Variants in VPS39 observed in about 807,000 individuals in gnomAD.
VPS39 encodes the protein VPS39 subunit of HOPS complex.
Under a neutral mutation model 121.0 loss-of-function variants are expected in VPS39, and 70 were observed. That is an observed-to-expected ratio of 0.58 (90% confidence interval 0.48 to 0.71). The LOEUF is 0.71. Ranked by LOEUF, VPS39 falls within the 30% of genes least tolerant of loss-of-function variation. The pLI is 0.00. For synonymous variants in VPS39, 378 were observed against 398.1 expected (o/e 0.95, Z 0.60); for missense variants, 818 against 1,051.5 (o/e 0.78, Z 3.07).
At chr15:42,194,348 C>T (rs934274832) in intron 2 of VPS39, among the ~76,000 whole-genome samples, 1 of 151,978 alleles carries the variant, frequency 6.6e-6, no homozygotes, top group Non-Finnish European at 1.5e-5. Context: ...GTGGTGGGCG[C>T]CTGTAATCCC....
intron 2 of VPS39, among the ~76,000 whole-genome samples, chr15:42,199,127 A>G (rs1447424959): frequency 6.6e-6 from 1 of 152,214 alleles, no homozygotes; most frequent in East Asian, 1.9e-4. Flanking sequence ...AATTAACTGC[A>G]GATTTCTGTA....
chr15:42,166,666 A>G lies in VPS39; in HGVS notation c.1520-17T>C. The stretch of plus-strand genomic sequence containing the variant: ...CCTGCAGAGCTGGCCACCAAGCCCA[A>G]GAACAAGGTCATGAGCCTTTTCCCC... On this transcript the variant is annotated splice_polypyrimidine_tract_variant and intron_variant, in intron 14 of 24. Transcript: ENST00000318006. 6.2e-7 allele frequency: 1 copy of G among 1,614,176 alleles called. No individual in the cohort carries two copies. The highest frequency in any genetic ancestry group is 8.5e-7 in the Non-Finnish European group (1 of 1,180,036).
chr15:42,163,901 A>C (rs2049190470), intron 19 of VPS39, among the ~76,000 whole-genome samples, 173 bp from the exon 20 acceptor site: 1 of 151,918 alleles, frequency 6.6e-6, no homozygotes. Context: ...AGGGGGAGGG[A>C]GCTATTTTAG....
At chr15:42,175,103 T>C (rs2049422781) in intron 10 of VPS39, among the ~76,000 whole-genome samples, 1 of 151,934 alleles carries the variant, frequency 6.6e-6, no homozygotes, top group Admixed American at 6.6e-5. Context: ...GAGAGCACAG[T>C]GTACTCAAGG....
Position 42,172,554 on chromosome 15 carries a change from C to A in VPS39, c.1090+1169G>T, listed in dbSNP as rs186928512. 1.4e-3 allele frequency among the ~76,000 whole-genome samples: 209 copies of A among 152,334 alleles called. 2 individuals carry two copies. The highest frequency in any genetic ancestry group is 2.2e-3 in the Non-Finnish European group (148 of 68,030). On this transcript the variant is annotated intron_variant, in intron 11 of 24. Coordinates refer to ENST00000318006, the MANE Select transcript of VPS39 (RefSeq NM_015289.5). Reference sequence around the variant, plus strand: ...AGTTTTGGGGAGATTTCTTACGTAGCATTAGACAGCTAATACACTAGCAGA... The same window carrying A: ...AGTTTTGGGGAGATTTCTTACGTAGAATTAGACAGCTAATACACTAGCAGA...
At chr15:42,162,798 C>T (rs947124343) in intron 21 of VPS39, 4 of 246,250 alleles carry the variant, frequency 1.6e-5, no homozygotes, top group Non-Finnish European at 2.3e-5. Flanking sequence ...GCTGAGACTC[C>T]GTCACATTTT....
chr15:42,172,759 C>G (rs1411442112), intron 11 of VPS39, among the ~76,000 whole-genome samples: 1 of 152,186 alleles, frequency 6.6e-6, no homozygotes, highest in Non-Finnish European at 1.5e-5. Flanking sequence ...CATCTATTCC[C>G]CAGCCTAATC....
Position 42,162,557 on chromosome 15 carries a change from G to A in VPS39, c.2176-76C>T, listed in dbSNP as rs181661987. The A allele has an allele frequency of 8.6e-4, 1,269 of 1,467,194 alleles. 1 individual carries two copies. Among genetic ancestry groups the A allele is most frequent in the Non-Finnish European group, 1.0e-3 (1,156 of 1,103,120 alleles). 90.9% of individuals were successfully genotyped at this position (1,467,194 alleles called of 1,614,324 possible). A position where few individuals can be genotyped will look rare whatever the true frequency, so the allele number is the denominator to read the frequency against. On this transcript the variant is annotated intron_variant, in intron 21 of 24. Coordinates refer to ENST00000318006, the MANE Select transcript of VPS39 (RefSeq NM_015289.5). ...ACCCCCAGCACTGAGCATGCCTAACGATTCGAGGGGCTCGCCTACAGTAAC... is the reference window on the plus strand; with the variant it reads ...ACCCCCAGCACTGAGCATGCCTAACAATTCGAGGGGCTCGCCTACAGTAAC...
rs986297980 is a variant in VPS39 at position 42,160,772 on chromosome 15, T to G, written c.2610A>C (p.Val870=). 2.0e-5 allele frequency: 32 copies of G among 1,614,222 alleles called. No homozygotes were observed. The highest frequency in any genetic ancestry group is 2.6e-5 in the Non-Finnish European group (31 of 1,180,028). ...VVVHYFCSKE[V]NPADT ...GCTGGGCTCAAGTGTCAGCTGGGTT[T>G]ACCTCTTTGGAACAGAAGTAATGGA... The change falls in exon 25 of 25, where the codon GTA becomes GTC. Residue 870 remains valine (V), a synonymous_variant. Transcript: ENST00000318006.
At chr15:42,199,353 T>A (rs1397853891) in intron 2 of VPS39, among the ~76,000 whole-genome samples, 1 of 152,152 alleles carries the variant, frequency 6.6e-6, no homozygotes, top group Non-Finnish European at 1.5e-5. Flanking sequence ...TATTATTGCA[T>A]CCACCCCAAC....
chr15:42,166,296 A>G, intron 15 of VPS39, 64 bp from the exon 16 acceptor site: 1 of 1,508,248 alleles, frequency 6.6e-7, no homozygotes, highest in Middle Eastern at 2.0e-4. Context: ...CTGGGAAGGC[A>G]GGTGGGCAGG....
At position 42,187,859 on chromosome 15, in the gene VPS39, GGGA is replaced by G; in HGVS notation, c.343-6_343-4del. 22 of 1,613,582 alleles carry G rather than the reference GGGA, an allele frequency of 1.4e-5. No homozygotes were observed. Among genetic ancestry groups the G allele is most frequent in the Non-Finnish European group, 1.9e-5 (22 of 1,179,524 alleles). On this transcript the variant is annotated splice_region_variant and splice_polypyrimidine_tract_variant and intron_variant, in intron 5 of 24. Transcript: ENST00000318006. ...ACCTCCTCACCGGTCTCTGTGTGCT[GGGA>G]GGAGACATGCAGAGCAAATGAAAAT...
chr15:42,201,813 T>C (rs2140891927), intron 1 of VPS39, among the ~76,000 whole-genome samples: 1 of 152,378 alleles, frequency 6.6e-6, no homozygotes, highest in Non-Finnish European at 1.5e-5. Context: ...TAAAGGTCAC[T>C]CATTCCTTTC....
chr15:42,201,776 A>G (rs2140891884), intron 1 of VPS39, among the ~76,000 whole-genome samples: 1 of 152,354 alleles, frequency 6.6e-6, no homozygotes, highest in Non-Finnish European at 1.5e-5. Context: ...AAGCATGTAC[A>G]GATACTTCCT....
rs775527464 is a variant in VPS39, at chr15:42,161,602, CA to C, written c.2552+79del. Reference sequence around the variant, plus strand: ...CATGTTCTCCTTCTCTGTTAAAGGGCAGAAATCCATCCTGAGCGTTCTCCAC... The same window carrying C: ...CATGTTCTCCTTCTCTGTTAAAGGGCGAAATCCATCCTGAGCGTTCTCCAC... On this transcript the variant is annotated intron_variant, in intron 24 of 24. Coordinates refer to ENST00000318006, the MANE Select transcript of VPS39 (RefSeq NM_015289.5). 2.8e-5 allele frequency: 39 copies of C among 1,414,332 alleles called. 1 individual carries two copies. In the South Asian group the frequency reaches 3.1e-4, roughly 11 times the overall value. The allele number at this position is 1,414,332 out of a possible 1,614,324, so 87.6% of individuals were successfully genotyped here. A position where few individuals can be genotyped will look rare whatever the true frequency, so the allele number is the denominator to read the frequency against.
chr15:42,198,009 A>C (rs2049980314), intron 2 of VPS39, among the ~76,000 whole-genome samples: 1 of 152,208 alleles, frequency 6.6e-6, no homozygotes, highest in Non-Finnish European at 1.5e-5. Flanking sequence ...GTCTATATTT[A>C]ATCTACCTAT....
At chr15:42,166,954 G>C (rs1225373925) in intron 13 of VPS39, 41 bp from the exon 14 acceptor site, 1 of 1,611,572 alleles carries the variant, frequency 6.2e-7, no homozygotes, top group South Asian at 1.1e-5. Flanking sequence ...TGCTTCCTGG[G>C]GAGCCCCACC....
chr15:42,170,272 G>A (rs2049322134), intron 11 of VPS39, among the ~76,000 whole-genome samples: 1 of 152,190 alleles, frequency 6.6e-6, no homozygotes, highest in South Asian at 2.1e-4. Context: ...GAATATATTT[G>A]TAGTATATAT....
rs2049109133 is a variant in VPS39 at position 42,160,631 on chromosome 15, A to G, written c.*123T>C. 1 of 839,084 alleles carries G rather than the reference A, an allele frequency of 1.2e-6. No homozygotes were observed. The highest frequency in any genetic ancestry group is 2.0e-6 in the Non-Finnish European group (1 of 488,032). 52.0% of individuals were successfully genotyped at this position (839,084 alleles called of 1,614,324 possible). ...TCAGAGTTGTTCCAGGGCACAAGAT[A>G]GCCAGTAATGTCCAAATGGGGAGCC... On this transcript the variant is annotated 3_prime_UTR_variant, in exon 25 of 25. Coordinates refer to ENST00000318006, the MANE Select transcript of VPS39 (RefSeq NM_015289.5).
Sources: gnomAD v4.1 joint callset for allele counts (sites outside exome capture counted in the v4.1 genomes callset) on GRCh38, gnomAD v4.1.1 for gene constraint, MANE v1.5 for transcripts, NCBI Gene and HGNC (gene_info 2026-07-23, HGNC 2026-07-21) for gene names.